Variants in NCKAP5 observed in about 807,000 individuals in gnomAD.
NCKAP5 encodes NCK associated protein 5.
A neutral mutation model predicts 167.0 loss-of-function variants in NCKAP5; 92 were observed. The ratio of observed to expected loss-of-function variants is 0.55; its 90% CI spans 0.47 to 0.66. The LOEUF (loss-of-function observed/expected upper bound fraction) is 0.66, where lower values mean the gene tolerates loss of function less well. Among genes scored for constraint, NCKAP5 ranks in the 30% least tolerant of loss-of-function variants. The probability of loss-of-function intolerance (pLI) is 0.00; values close to 1 mark genes in which losing one functional copy is unlikely to be tolerated. For missense variants in NCKAP5, 2,378 were observed against 2,315.0 expected, an observed-to-expected ratio of 1.03 and a Z score of -0.56; for synonymous variants, 891 against 877.4, an observed-to-expected ratio of 1.02 and a Z score of -0.27.
intron 6 of NCKAP5, among the ~76,000 whole-genome samples, chr2:133,049,033 T>C (rs1190190597): frequency 6.6e-6 from 1 of 152,198 alleles, no homozygotes; most frequent in Non-Finnish European, 1.5e-5. Context: ...CATTCATTTA[T>C]AAGAGTTAAA....
intron 6 of NCKAP5, chr2:133,118,342 A>C (rs1037161171): frequency 7.2e-5 from 11 of 152,090 alleles, no homozygotes; most frequent in African/African-American, 2.2e-4. Flanking sequence ...TTCTTTATAC[A>C]GTATTATCTA....
intron 3 of NCKAP5, among the ~76,000 whole-genome samples, chr2:133,346,227 G>A (rs1040433010): frequency 1.4e-4 from 21 of 152,282 alleles, no homozygotes; most frequent in African/African-American, 5.1e-4. Context: ...TGAATTTGCA[G>A]GAATCCAAAG....
intron 6 of NCKAP5, chr2:133,117,588 TC>T (rs1169418306): frequency 6.6e-6 from 1 of 152,200 alleles, no homozygotes; most frequent in African/African-American, 2.4e-5. Context: ...GTAGGATATT[TC>T]CGGATAACAT....
At chr2:133,197,918 C>A (rs2085510831) in intron 5 of NCKAP5, among the ~76,000 whole-genome samples, 2 of 152,028 alleles carry the variant, frequency 1.3e-5, no homozygotes, top group South Asian at 4.1e-4. Flanking sequence ...CCACTGCACT[C>A]CAGCCTGGTG....
Position 133,559,397 on chromosome 2 carries a change from C to A in NCKAP5, c.-129-280G>T, listed in dbSNP as rs141273533. 1.4e-4 allele frequency among the ~76,000 whole-genome samples: 22 copies of A among 152,288 alleles called. No individual in the cohort carries two copies. The East Asian group carries it at 4.2e-3, about 29-fold the overall frequency. On this transcript the variant is annotated intron_variant, in intron 1 of 19. Transcript: ENST00000409261. ...GCAGTGGTGCAATCAGGGCTTACTGCAACCTGGAACTCTTGGGTTCAAGTT... is the reference window on the plus strand; with the variant it reads ...GCAGTGGTGCAATCAGGGCTTACTGAAACCTGGAACTCTTGGGTTCAAGTT...
Position 132,785,345 on chromosome 2 carries a change from T to C in NCKAP5, c.1466A>G (p.Gln489Arg). ...DDDPSTLALL[Q>R]AVPNQSCRPH... ...CCTGCAGCTCTGGTTTGGAACTGCT[T>C]GGAGCAATGCTAAGGTGGAAGGGTC... The change falls in exon 14 of 20, where the codon CAA becomes CGA. Residue 489 changes from glutamine to arginine, a missense_variant. Around this residue, in one of 3 missense-constraint regions of NCKAP5, gnomAD observed 1,049 missense variants for 1,023.4 expected, o/e 1.02. Coordinates refer to ENST00000409261, the MANE Select transcript of NCKAP5 (RefSeq NM_207363.3). 5.0e-6 allele frequency: 8 copies of C among 1,613,842 alleles called. No individual in the cohort carries two copies. Among genetic ancestry groups the C allele is most frequent in the Non-Finnish European group, 6.8e-6 (8 of 1,179,810 alleles).
intron 4 of NCKAP5, among the ~76,000 whole-genome samples, chr2:133,276,822 A>AT (rs1341560565): frequency 6.6e-6 from 1 of 152,172 alleles, no homozygotes; most frequent in Non-Finnish European, 1.5e-5. Flanking sequence ...GTAACACTAC[A>AT]TTAAAAAAAT....
intron 16 of NCKAP5, among the ~76,000 whole-genome samples, chr2:132,734,764 G>A (rs531383463): frequency 1.3e-5 from 2 of 152,350 alleles, no homozygotes; most frequent in East Asian, 1.9e-4. Flanking sequence ...GTCATATGCT[G>A]TAAATGAAAG....
At chr2:133,335,661 A>G (rs1180531441) in intron 3 of NCKAP5, among the ~76,000 whole-genome samples, 1 of 152,196 alleles carries the variant, frequency 6.6e-6, no homozygotes, top group East Asian at 1.9e-4. Flanking sequence ...TTACTTTTGC[A>G]TATTCTATGT....
chr2:132,711,019 C>T (rs893610869), intron 19 of NCKAP5, among the ~76,000 whole-genome samples: 3 of 152,154 alleles, frequency 2.0e-5, no homozygotes, highest in Admixed American at 1.3e-4. Context: ...TTCACTCATT[C>T]GATAAATGTT....
At chr2:133,091,762 C>T (rs1417720123) in intron 6 of NCKAP5, among the ~76,000 whole-genome samples, 1 of 152,072 alleles carries the variant, frequency 6.6e-6, no homozygotes, top group Non-Finnish European at 1.5e-5. Context: ...TGGTGGGTGC[C>T]TGTAGTCCCA....
intron 8 of NCKAP5, among the ~76,000 whole-genome samples, chr2:132,926,358 G>T (rs1695888999): frequency 6.6e-6 from 1 of 152,092 alleles, no homozygotes; most frequent in African/African-American, 2.4e-5. Flanking sequence ...CTTTTTATAT[G>T]ATGATTTATT....
intron 4 of NCKAP5, among the ~76,000 whole-genome samples, chr2:133,231,129 C>T (rs1178379249): frequency 6.6e-6 from 1 of 152,034 alleles, no homozygotes; most frequent in Non-Finnish European, 1.5e-5. Flanking sequence ...ATTTTAGTGA[C>T]AAGAAATGGA....
chr2:133,324,912 T>A (rs916493313), intron 3 of NCKAP5, among the ~76,000 whole-genome samples: 7 of 152,158 alleles, frequency 4.6e-5, no homozygotes, highest in Admixed American at 3.9e-4. Context: ...TTCACCATGT[T>A]GACCAGGCTG....
At chr2:133,245,020 A>G (rs569591575) in intron 4 of NCKAP5, among the ~76,000 whole-genome samples, 1 of 152,344 alleles carries the variant, frequency 6.6e-6, no homozygotes, top group African/African-American at 2.4e-5. Flanking sequence ...AAAGACTTGA[A>G]AATACCAAGT....
At chr2:133,432,214 T>C (rs949480345) in intron 3 of NCKAP5, among the ~76,000 whole-genome samples, 1 of 152,196 alleles carries the variant, frequency 6.6e-6, no homozygotes, top group Non-Finnish European at 1.5e-5. Context: ...ATCTGTATCA[T>C]GCAACCAACT....
chr2:133,263,280 T>C (rs2089009576), intron 4 of NCKAP5, among the ~76,000 whole-genome samples: 1 of 137,892 alleles, frequency 7.3e-6, no homozygotes, highest in East Asian at 2.1e-4. Context: ...ACAAACTCTC[T>C]AGGAAAAAAA....
chr2:133,365,353 G>GT (rs1237951471), intron 3 of NCKAP5, among the ~76,000 whole-genome samples: 1 of 152,152 alleles, frequency 6.6e-6, no homozygotes, highest in Non-Finnish European at 1.5e-5. Context: ...TGGTGTATGT[G>GT]TATCTCTGAG....
chr2:133,276,116 T>C (rs536305849), intron 4 of NCKAP5, among the ~76,000 whole-genome samples: 1 of 152,226 alleles, frequency 6.6e-6, no homozygotes, highest in African/African-American at 2.4e-5. Context: ...TCCACGTCCA[T>C]TTCATGAATA....
Sources: allele counts gnomAD v4.1 joint callset (sites outside exome capture counted in the v4.1 genomes callset), GRCh38; gene constraint gnomAD v4.1.1; regional missense constraint gnomAD v4.1.1; transcripts MANE v1.5; gene names NCBI Gene and HGNC (gene_info 2026-07-23, HGNC 2026-07-21).